DNAAF11: variants seen among roughly 807,000 people sequenced by gnomAD.
DNAAF11 encodes leucine rich repeat containing 6.
Under a neutral mutation model 60.8 loss-of-function variants are expected in DNAAF11, and 45 were observed. The ratio of observed to expected loss-of-function variants is 0.74; its 90% CI spans 0.58 to 0.95. DNAAF11 has a LOEUF of 0.95. Ranked by LOEUF, DNAAF11 falls within the 40% of genes least tolerant of loss-of-function variation. The pLI is 0.00. For synonymous variants in DNAAF11, 191 were observed against 183.5 expected, an observed-to-expected ratio of 1.04 and a Z score of -0.33; for missense variants, 546 against 546.2, an observed-to-expected ratio of 1.00 and a Z score of 0.00.
intron 3 of DNAAF11, among the ~76,000 whole-genome samples, chr8:132,646,940 C>A (rs1430791847): frequency 6.6e-6 from 1 of 152,132 alleles, no homozygotes; most frequent in Non-Finnish European, 1.5e-5. Flanking sequence ...ATCAATGAGA[C>A]AGAAAGTTAA....
the DNAAF11 span, among the ~76,000 whole-genome samples, chr8:132,681,318 CTT>C: frequency 1.7e-4 from 22 of 128,988 alleles, no homozygotes; most frequent in Non-Finnish European, 2.5e-4. Flanking sequence ...CCAACCATTC[CTT>C]TTTTTTTTTT....
At chr8:132,603,381 G>A (rs1817824976) in intron 10 of DNAAF11, among the ~76,000 whole-genome samples, 2 of 152,282 alleles carry the variant, frequency 1.3e-5, no homozygotes, top group South Asian at 2.1e-4. Context: ...CAGCAATGAA[G>A]CACCTGGTGG....
At chr8:132,701,774 C>T in the DNAAF11 span, among the ~76,000 whole-genome samples, 1 of 152,170 alleles carries the variant, frequency 6.6e-6, no homozygotes, top group African/African-American at 2.4e-5. Flanking sequence ...ATGGCACTTC[C>T]CTTACAATAA....
At chr8:132,619,503 C>G (rs1036146359) in intron 7 of DNAAF11, among the ~76,000 whole-genome samples, 26 of 151,974 alleles carry the variant, frequency 1.7e-4, no homozygotes, top group African/African-American at 5.8e-4. Context: ...TCCAAATCTG[C>G]TATGTCCAGT....
Position 132,661,573 on chromosome 8 carries a change from G to A in DNAAF11, c.65C>T (p.Ser22Phe), listed in dbSNP as rs1563705140. 1.9e-6 allele frequency: 3 copies of A among 1,613,882 alleles called. No individual in the cohort carries two copies. The South Asian group carries it at 3.3e-5, about 18-fold the overall frequency. ...CTGATGCAACGAGAGTTCCTCCAGG[G>A]AAAAAATGACACAGTCGTTGTGTTC... ...NAEHNDCVIF[S>F]LEELSLHQQE... Residue 22 changes from serine (S) to phenylalanine (F), a missense_variant, in exon 2 of 12, where the codon TCC (serine) becomes TTC (phenylalanine). Transcript: ENST00000620350.
At chr8:132,615,663 GAA>G (rs1819074964) in intron 7 of DNAAF11, among the ~76,000 whole-genome samples, 1 of 152,114 alleles carries the variant, frequency 6.6e-6, no homozygotes, top group Non-Finnish European at 1.5e-5. Flanking sequence ...TGGCATAGCT[GAA>G]TTATAATAAA....
rs1378858923 is a variant in DNAAF11 at position 132,656,775 on chromosome 8, T to C, written c.256+55A>G. On this transcript the variant is annotated intron_variant, in intron 3 of 11. Coordinates refer to ENST00000620350, the MANE Select transcript of DNAAF11 (RefSeq NM_012472.6). ...GCGTGAGCCACTGCACCTGGCCTTC[T>C]AACTTAAAATCTCAATTTTAATTCA... The C allele has an allele frequency of 1.7e-5, 14 of 832,268 alleles. 1 individual carries two copies. Among genetic ancestry groups the C allele is most frequent in the East Asian group, 2.8e-5 (1 of 36,236 alleles). 51.6% of individuals were successfully genotyped at this position (832,268 alleles called of 1,614,324 possible). A position where few individuals can be genotyped will look rare whatever the true frequency, so the allele number is the denominator to read the frequency against.
chr8:132,689,905 G>A, the DNAAF11 span, among the ~76,000 whole-genome samples: 3 of 151,966 alleles, frequency 2.0e-5, no homozygotes, highest in African/African-American at 4.8e-5. Context: ...TTGTAGAGAT[G>A]GAGTCTCACT....
At position 132,674,154 on chromosome 8, in the gene DNAAF11, GAGGAGA is replaced by G. The variant is rs376673196; in HGVS notation, c.10+1324_10+1329del. On this transcript the variant is annotated intron_variant, in intron 1 of 11. Transcript: ENST00000620350. Reference sequence around the variant, plus strand: ...GGAGGAGAAGGAGGAGGAAGAGGAGGAGGAGAAGGAGAAGGAGGAGGAGGAGAAGGA... The same window carrying G: ...GGAGGAGAAGGAGGAGGAAGAGGAGGAGGAGAAGGAGGAGGAGGAGAAGGA... 3.4e-3 allele frequency among the ~76,000 whole-genome samples: 433 copies of G among 126,202 alleles called. 4 individuals carry two copies. Among genetic ancestry groups the G allele is most frequent in the Non-Finnish European group, 4.0e-3 (241 of 60,538 alleles). 82.8% of individuals were successfully genotyped at this position (126,202 alleles called of 152,430 possible). A position where few individuals can be genotyped will look rare whatever the true frequency, so the allele number is the denominator to read the frequency against.
At position 132,663,121 on chromosome 8, in the gene DNAAF11, A is replaced by C. The variant is rs751984998; in HGVS notation, c.11-1494T>G. Among the ~76,000 whole-genome samples the C allele has an allele frequency of 9.9e-4, 150 of 152,222 alleles. 1 individual carries two copies. Among genetic ancestry groups the C allele is most frequent in the Non-Finnish European group, 2.0e-3 (133 of 68,022 alleles). ...ACAGGCAGAGATGGTCACAAACCAGATCCTGGTAAGGGACAGCCCAAAGCG... is the reference window on the plus strand; with the variant it reads ...ACAGGCAGAGATGGTCACAAACCAGCTCCTGGTAAGGGACAGCCCAAAGCG... On this transcript the variant is annotated intron_variant, in intron 1 of 11. Coordinates refer to ENST00000620350, the MANE Select transcript of DNAAF11 (RefSeq NM_012472.6).
the DNAAF11 span, among the ~76,000 whole-genome samples, chr8:132,692,562 C>A: frequency 6.6e-6 from 1 of 152,178 alleles, no homozygotes; most frequent in Non-Finnish European, 1.5e-5. Flanking sequence ...GACAAATGCA[C>A]GCAGAACAAG....
chr8:132,620,011 T>G (rs1819595152), intron 7 of DNAAF11, among the ~76,000 whole-genome samples: 1 of 151,990 alleles, frequency 6.6e-6, no homozygotes, highest in African/African-American at 2.4e-5. Context: ...GGAAACAAGG[T>G]CCTCAGTTAA....
chr8:132,625,213 C>A (rs1820129112), intron 6 of DNAAF11, 59 bp downstream of exon 6: 1 of 1,308,158 alleles, frequency 7.6e-7, no homozygotes, highest in East Asian at 2.4e-5. Flanking sequence ...AATGGGCAAT[C>A]ATAAAAATAT....
At chr8:132,663,299 T>A (rs572441993) in intron 1 of DNAAF11, among the ~76,000 whole-genome samples, 1 of 152,162 alleles carries the variant, frequency 6.6e-6, no homozygotes, top group Non-Finnish European at 1.5e-5. Context: ...AAACCAAACC[T>A]GTAAGAGAAG....
chr8:132,620,404 G>A (rs943300700), intron 7 of DNAAF11, among the ~76,000 whole-genome samples: 12 of 152,114 alleles, frequency 7.9e-5, no homozygotes, highest in East Asian at 1.9e-4. Context: ...GCGTGATCTC[G>A]GCTCACTGCA....
intron 1 of DNAAF11, among the ~76,000 whole-genome samples, chr8:132,670,423 C>G (rs566033888): frequency 7.9e-5 from 12 of 152,090 alleles, no homozygotes; most frequent in Non-Finnish European, 2.9e-5. Context: ...AAAGCTCACT[C>G]AAGAATATAT....
chr8:132,665,037 C>T (rs1447072133), intron 1 of DNAAF11, among the ~76,000 whole-genome samples: 2 of 152,100 alleles, frequency 1.3e-5, no homozygotes, highest in East Asian at 1.9e-4. Context: ...TGATTATATA[C>T]AATTAGGATA....
At chr8:132,598,696 G>C (rs956411134) in intron 10 of DNAAF11, among the ~76,000 whole-genome samples, 1 of 152,118 alleles carries the variant, frequency 6.6e-6, no homozygotes. Flanking sequence ...TATTATCTCT[G>C]CTAGAAATAA....
At chr8:132,605,500 T>C (rs771189224) in intron 10 of DNAAF11, among the ~76,000 whole-genome samples, 17 of 152,218 alleles carry the variant, frequency 1.1e-4, no homozygotes, top group Non-Finnish European at 2.4e-4. Context: ...TATTCACTCA[T>C]TCAACAAAAA....
Sources: gnomAD v4.1 joint callset for allele counts (sites outside exome capture counted in the v4.1 genomes callset) on GRCh38, gnomAD v4.1.1 for gene constraint, MANE v1.5 for transcripts, NCBI Gene and HGNC (gene_info 2026-07-23, HGNC 2026-07-21) for gene names.